The following FAM184A variants were observed in gnomAD, a reference collection of about 807,000 sequenced individuals.
The protein encoded by FAM184A is family with sequence similarity 184 member A.
FAM184A carries 99 observed loss-of-function variants against 143.8 expected under a neutral mutation model. That is an observed-to-expected ratio of 0.69 (90% CI 0.58 to 0.81). The LOEUF (loss-of-function observed/expected upper bound fraction) is 0.81. Ranked by LOEUF, FAM184A falls within the 40% of genes least tolerant of loss-of-function variation. The pLI is 0.00. For synonymous variants in FAM184A, 427 were observed against 446.4 expected (o/e 0.96, Z 0.55); for missense variants, 1,217 against 1,310.5 (o/e 0.93, Z 1.10).
intron 1 of FAM184A, among the ~76,000 whole-genome samples, chr6:119,142,282 T>C (rs759416694): frequency 1.3e-5 from 2 of 152,180 alleles, no homozygotes; most frequent in Non-Finnish European, 2.9e-5. Context: ...CGTAATGACC[T>C]CGAAGCCCTG....
At chr6:119,117,766 CT>C (rs1789098658) in intron 1 of FAM184A, among the ~76,000 whole-genome samples, 1 of 152,146 alleles carries the variant, frequency 6.6e-6, no homozygotes, top group South Asian at 2.1e-4. Flanking sequence ...TTGAACCCTC[CT>C]TTTTAGTGAT....
At chr6:119,075,692 G>A (rs980026146) in intron 1 of FAM184A, among the ~76,000 whole-genome samples, 2 of 152,106 alleles carry the variant, frequency 1.3e-5, no homozygotes, top group African/African-American at 4.8e-5. Flanking sequence ...ACCATAGTTG[G>A]AACACACCTC....
At chr6:119,073,312 A>T (rs1787759874) in intron 1 of FAM184A, among the ~76,000 whole-genome samples, 1 of 152,226 alleles carries the variant, frequency 6.6e-6, no homozygotes, top group Non-Finnish European at 1.5e-5. Context: ...ACTGTACCAT[A>T]TATTACTTAT....
At position 119,107,792 on chromosome 6, in the gene FAM184A, A is replaced by AGAAAG. The variant is rs1554197045; in HGVS notation, c.-202+41285_-202+41286insCTTTC. 1.5e-3 allele frequency among the ~76,000 whole-genome samples: 207 copies of AGAAAG among 136,490 alleles called. 4 individuals carry two copies. The highest frequency in any genetic ancestry group is 0.015 in the South Asian group (63 of 4,206). The allele number at this position is 136,490 out of a possible 152,430, so 89.5% of individuals were successfully genotyped here. ...GACTTTGTCTCAAAAAAAAAAAAAA[A>AGAAAG]AAAGAAAGAAAAGAACAGAGTTCAG... On this transcript the variant is annotated intron_variant, in intron 1 of 16. Coordinates refer to the FAM184A transcript ENST00000352896.
intron 4 of FAM184A, among the ~76,000 whole-genome samples, chr6:119,017,917 C>T (rs7750373): frequency 0.13 from 19,678 of 152,186 alleles, 1,498 homozygotes; most frequent in Non-Finnish European, 0.17. Flanking sequence ...TCCTCTCTCT[C>T]GCTCTCTCTC....
At chr6:118,965,205 G>GTTTTTTTTTTTTTTT (rs5879475) in intron 15 of FAM184A, among the ~76,000 whole-genome samples, 1 of 131,032 alleles carries the variant, frequency 7.6e-6, no homozygotes, top group Non-Finnish European at 1.6e-5. Context: ...TTTTTTGTTT[G>GTTTTTTTTTTTTTTT]TTTTTTTTTT....
intron 1 of FAM184A, among the ~76,000 whole-genome samples, chr6:119,046,993 A>C (rs1027167208): frequency 6.6e-6 from 1 of 152,208 alleles, no homozygotes; most frequent in Admixed American, 6.5e-5. Context: ...ACAAGGGATT[A>C]ATAACCAGAA....
At chr6:119,053,328 C>T (rs528794219) in intron 1 of FAM184A, among the ~76,000 whole-genome samples, 20 of 152,316 alleles carry the variant, frequency 1.3e-4, no homozygotes, top group African/African-American at 4.6e-4. Context: ...ACTGAAATTA[C>T]TCACATACCC....
Position 119,024,508 on chromosome 6 carries a change from A to T in FAM184A, c.465T>A (p.Ser155=). 6.2e-7 allele frequency: 1 copy of T among 1,613,822 alleles called. No homozygotes were observed. Among genetic ancestry groups the T allele is most frequent in the Non-Finnish European group, 8.5e-7 (1 of 1,179,940 alleles). Residue 155 remains serine (S), a synonymous_variant, in exon 2 of 18, where the codon TCT becomes TCA. Coordinates refer to ENST00000338891, the MANE Select transcript of FAM184A (RefSeq NM_024581.6). ...AQHVQRIVTM[S]REVEEIRRKF... is the part of the protein sequence containing the mutation. ...TCCTTCTAATCTCTTCGACTTCTCTAGACATGGTCACTATGCGTTGGACAT... is the reference window on the plus strand; with the variant it reads ...TCCTTCTAATCTCTTCGACTTCTCTTGACATGGTCACTATGCGTTGGACAT...
intron 1 of FAM184A, among the ~76,000 whole-genome samples, chr6:119,093,805 G>T (rs991835477): frequency 6.6e-6 from 1 of 152,076 alleles, no homozygotes; most frequent in African/African-American, 2.4e-5. Flanking sequence ...CCTCACAGAG[G>T]CCTTCATCCC....
At chr6:119,146,358 T>C (rs1186429083) in intron 1 of FAM184A, among the ~76,000 whole-genome samples, 1 of 151,742 alleles carries the variant, frequency 6.6e-6, no homozygotes, top group Non-Finnish European at 1.5e-5. Flanking sequence ...AGAAAAATTA[T>C]ATACCATCTG....
chr6:119,008,896 G>A (rs1785007231), intron 6 of FAM184A, among the ~76,000 whole-genome samples: 1 of 152,066 alleles, frequency 6.6e-6, no homozygotes, highest in Non-Finnish European at 1.5e-5. Context: ...AATCTTTCAT[G>A]GGGCTTACAA....
intron 1 of FAM184A, among the ~76,000 whole-genome samples, chr6:119,035,953 CA>C (rs1301850339): frequency 1.3e-5 from 2 of 152,170 alleles, no homozygotes; most frequent in African/African-American, 4.8e-5. Context: ...GGAGCTATGT[CA>C]GGGGACATTG....
chr6:119,134,328 T>C (rs751599928), intron 1 of FAM184A, among the ~76,000 whole-genome samples: 2 of 152,078 alleles, frequency 1.3e-5, no homozygotes, highest in Non-Finnish European at 2.9e-5. Flanking sequence ...AACTGTGCGG[T>C]ACCAGTTTTC....
chr6:119,131,769 C>T (rs1562163051), intron 1 of FAM184A, among the ~76,000 whole-genome samples: 1 of 152,022 alleles, frequency 6.6e-6, no homozygotes, highest in Non-Finnish European at 1.5e-5. Context: ...AGGCATGAGC[C>T]ACTGTGCCCA....
intron 9 of FAM184A, among the ~76,000 whole-genome samples, chr6:118,995,747 TG>T (rs1218195870): frequency 6.6e-6 from 1 of 152,270 alleles, no homozygotes; most frequent in Non-Finnish European, 1.5e-5. Context: ...CATAATCATA[TG>T]ATCACTGAAC....
Position 119,078,166 on chromosome 6 carries a change from C to T in FAM184A, c.134G>A (p.Ser45Asn), listed in dbSNP as rs377692426. 10 of 1,593,330 alleles carry T rather than the reference C, an allele frequency of 6.3e-6. No individual in the cohort carries two copies. The highest frequency in any genetic ancestry group is 6.8e-6 in the Non-Finnish European group (8 of 1,171,694). ...CTTGGTGAGCTGGGCGATTTTCTTG[C>T]TCATTTTCAGGTGCATCTCCTGGCT... ...DYSQEMHLKM[S>N]KKIAQLTKVI... Residue 45 changes from serine (S) to asparagine (N), a missense_variant, in exon 1 of 18, where the codon AGC becomes AAC. By Grantham distance (46) the Ser-to-Asn change is conservative. Transcript: ENST00000338891. The surrounding 1 kb of genome is among the most constrained non-coding windows in gnomAD (Gnocchi z 5.5).
At chr6:119,082,715 T>A (rs1321242609), upstream of FAM184A, among the ~76,000 whole-genome samples, 1 of 152,230 alleles carries the variant, frequency 6.6e-6, no homozygotes, top group Non-Finnish European at 1.5e-5. Flanking sequence ...GCTCTGCTTC[T>A]GTGGCTCTGC....
At chr6:119,141,036 C>G (rs960854644) in intron 1 of FAM184A, among the ~76,000 whole-genome samples, 1 of 152,134 alleles carries the variant, frequency 6.6e-6, no homozygotes, top group Non-Finnish European at 1.5e-5. Flanking sequence ...TTATATGACC[C>G]GGAGTAGGTG....
Sources: allele counts gnomAD v4.1 joint callset (sites outside exome capture counted in the v4.1 genomes callset), GRCh38; gene constraint gnomAD v4.1.1; non-coding constraint Gnocchi (gnomAD v3.1); transcripts MANE v1.5; gene names NCBI Gene and HGNC (gene_info 2026-07-23, HGNC 2026-07-21).